The following RABGAP1L variants were observed in gnomAD, a reference collection of about 807,000 sequenced individuals.
RABGAP1L encodes rab GTPase-activating protein 1-like.
In RABGAP1L, 63 loss-of-function variants were observed where a neutral mutation model predicts 137.7. That is an observed-to-expected ratio of 0.46 (90% CI 0.37 to 0.56). RABGAP1L has a LOEUF of 0.56. Among genes scored for constraint, RABGAP1L ranks in the 20% least tolerant of loss-of-function variants. The probability of loss-of-function intolerance (pLI) is 0.00; values close to 1 mark genes in which losing one functional copy is unlikely to be tolerated. For missense variants in RABGAP1L, 1,095 were observed against 1,244.0 expected (o/e 0.88, Z 1.80); for synonymous variants, 431 against 433.7 (o/e 0.99, Z 0.08).
At chr1:174,907,013 C>T (rs1042825431) in intron 19 of RABGAP1L, among the ~76,000 whole-genome samples, 6 of 151,870 alleles carry the variant, frequency 4.0e-5, no homozygotes, top group South Asian at 2.1e-4. Context: ...TCACCACCAC[C>T]GGGCTTATCT....
chr1:174,439,067 T>C (rs1026744718), intron 13 of RABGAP1L, among the ~76,000 whole-genome samples: 5 of 151,790 alleles, frequency 3.3e-5, no homozygotes, highest in African/African-American at 1.2e-4. Flanking sequence ...TTTTCTTGCC[T>C]GTTAAACTGG....
chr1:174,183,046 G>GT, intron 1 of RABGAP1L, among the ~76,000 whole-genome samples: 1 of 152,258 alleles, frequency 6.6e-6, no homozygotes, highest in South Asian at 2.1e-4. Context: ...ATAACACTGA[G>GT]TTATAATAGT....
chr1:174,225,914 T>G (rs2148487369), intron 3 of RABGAP1L, among the ~76,000 whole-genome samples: 1 of 152,256 alleles, frequency 6.6e-6, no homozygotes, highest in East Asian at 1.9e-4. Context: ...GCTTTGGTAT[T>G]TTAGCCTTTG....
chr1:174,838,855 T>C (rs1693042573), intron 19 of RABGAP1L, among the ~76,000 whole-genome samples: 1 of 130,992 alleles, frequency 7.6e-6, no homozygotes, highest in Non-Finnish European at 1.5e-5. Flanking sequence ...GAGGCGGAGC[T>C]TGTAGTGAGC....
chr1:174,614,839 C>T (rs556415300), intron 13 of RABGAP1L, among the ~76,000 whole-genome samples: 33 of 152,296 alleles, frequency 2.2e-4, no homozygotes, highest in Non-Finnish European at 3.8e-4. Flanking sequence ...GATCTTCCAT[C>T]ACTGATACCC....
chr1:174,167,662 C>T (rs1360711248), intron 1 of RABGAP1L, among the ~76,000 whole-genome samples: 2 of 152,136 alleles, frequency 1.3e-5, no homozygotes, highest in Admixed American at 6.5e-5. Flanking sequence ...CACATACACC[C>T]GTTTACCATT....
At chr1:174,635,034 A>G (rs1318366920) in intron 13 of RABGAP1L, among the ~76,000 whole-genome samples, 1 of 151,478 alleles carries the variant, frequency 6.6e-6, no homozygotes, top group Admixed American at 6.6e-5. Flanking sequence ...AAAGTATAAT[A>G]AAAAATAAAA....
At chr1:174,189,008 A>G (rs1667013568) in intron 1 of RABGAP1L, among the ~76,000 whole-genome samples, 1 of 152,016 alleles carries the variant, frequency 6.6e-6, no homozygotes, top group Non-Finnish European at 1.5e-5. Flanking sequence ...GATAGCATTT[A>G]TTTATTTATT....
At chr1:174,216,260 G>A (rs1447647493) in intron 1 of RABGAP1L, among the ~76,000 whole-genome samples, 1 of 152,112 alleles carries the variant, frequency 6.6e-6, no homozygotes, top group East Asian at 1.9e-4. Context: ...GGTGAATGTA[G>A]TCAATTTAAT....
chr1:174,794,399 A>T (rs566695009), intron 18 of RABGAP1L, among the ~76,000 whole-genome samples: 25 of 152,216 alleles, frequency 1.6e-4, no homozygotes, highest in African/African-American at 6.0e-4. Context: ...CTTTTCTTCT[A>T]TGTGATTTCC....
intron 13 of RABGAP1L, among the ~76,000 whole-genome samples, chr1:174,463,879 CTTATT>C (rs906304027): frequency 1.6e-4 from 25 of 152,008 alleles, no homozygotes; most frequent in African/African-American, 4.8e-4. Context: ...ACTGTAAGTG[CTTATT>C]TTATAACATC....
At chr1:174,721,006 C>G (rs1030481341) in intron 17 of RABGAP1L, among the ~76,000 whole-genome samples, 2 of 152,166 alleles carry the variant, frequency 1.3e-5, no homozygotes, top group African/African-American at 2.4e-5. Flanking sequence ...TAGACTCAAG[C>G]TTCTTTGAGA....
intron 11 of RABGAP1L, among the ~76,000 whole-genome samples, chr1:174,363,115 T>C (rs1449464167): frequency 2.0e-5 from 3 of 152,122 alleles, no homozygotes; most frequent in African/African-American, 7.2e-5. Flanking sequence ...TATTCTTGGG[T>C]TCTCTATTCT....
At chr1:174,444,611 A>T (rs541404807) in intron 13 of RABGAP1L, among the ~76,000 whole-genome samples, 24 of 151,990 alleles carry the variant, frequency 1.6e-4, no homozygotes, top group African/African-American at 5.5e-4. Flanking sequence ...TATTGCTTCA[A>T]TCTCTTTACT....
intron 11 of RABGAP1L, among the ~76,000 whole-genome samples, chr1:174,330,282 A>C (rs1352816727): frequency 1.3e-5 from 2 of 152,176 alleles, no homozygotes; most frequent in Non-Finnish European, 2.9e-5. Flanking sequence ...AAATCAAGAA[A>C]GAAATCCTAT....
intron 13 of RABGAP1L, among the ~76,000 whole-genome samples, chr1:174,612,194 G>C (rs534871144): frequency 6.6e-6 from 1 of 152,178 alleles, no homozygotes; most frequent in African/African-American, 2.4e-5. Flanking sequence ...CTGTGGGTCT[G>C]TCATAGATAG....
At chr1:174,362,655 C>T (rs2148968609) in intron 11 of RABGAP1L, among the ~76,000 whole-genome samples, 1 of 152,088 alleles carries the variant, frequency 6.6e-6, no homozygotes, top group South Asian at 2.1e-4. Flanking sequence ...TATTTAAGTT[C>T]CTTATAGATG....
intron 13 of RABGAP1L, among the ~76,000 whole-genome samples, chr1:174,447,691 C>G (rs1290235741): frequency 1.3e-5 from 2 of 152,172 alleles, no homozygotes; most frequent in African/African-American, 4.8e-5. Flanking sequence ...GAACAGCCCA[C>G]AGAAGCTTTT....
At chr1:174,684,904 C>G (rs1375218277) in intron 15 of RABGAP1L, among the ~76,000 whole-genome samples, 1 of 152,034 alleles carries the variant, frequency 6.6e-6, no homozygotes, top group Non-Finnish European at 1.5e-5. Flanking sequence ...CCACTTGAGC[C>G]TGGGAGGTCA....
Sources: gnomAD v4.1 joint callset for allele counts (sites outside exome capture counted in the v4.1 genomes callset) on GRCh38, gnomAD v4.1.1 for gene constraint, MANE v1.5 for transcripts, NCBI Gene and HGNC (gene_info 2026-07-23, HGNC 2026-07-21) for gene names.